RTL4: variants seen among roughly 807,000 people sequenced by gnomAD.
RTL4 encodes retrotransposon Gag-like protein 4.
In RTL4, 4 loss-of-function variants were observed where a neutral mutation model predicts 5.3. The ratio of observed to expected loss-of-function variants is 0.75; its 90% CI spans 0.37 to 1.72. RTL4 has a LOEUF of 1.72. RTL4 is among the 40% of genes most tolerant of loss of function. The pLI, the probability that RTL4 is intolerant of heterozygous loss-of-function variation, is 0.04. For synonymous variants in RTL4, 98 were observed against 87.3 expected (o/e 1.12, Z -0.68); for missense variants, 260 against 227.1 (o/e 1.14, Z -0.93).
chrX:112,193,458 G>C, the RTL4 span, among the ~76,000 whole-genome samples: 1 of 111,058 alleles, frequency 9.0e-6, no homozygotes, highest in Non-Finnish European at 1.9e-5. Flanking sequence ...CTGATGTTTT[G>C]TATGTGATGA....
chrX:112,223,205 T>A, the RTL4 span, among the ~76,000 whole-genome samples: 1 of 110,729 alleles, frequency 9.0e-6, no homozygotes, highest in Non-Finnish European at 1.9e-5. Context: ...ATTATAAATA[T>A]GAAAATTTCA....
chrX:112,332,653 G>A, the RTL4 span, among the ~76,000 whole-genome samples: 13 of 96,728 alleles, frequency 1.3e-4, no homozygotes, highest in African/African-American at 5.0e-4. Flanking sequence ...CACACAGGAA[G>A]GGGGACATCA....
chrX:112,185,376 A>ATATATATATAT, the RTL4 span, among the ~76,000 whole-genome samples: 12 of 85,306 alleles, frequency 1.4e-4, no homozygotes, highest in African/African-American at 3.6e-4. Flanking sequence ...CTATTTTATT[A>ATATATATATAT]ATATATATAT....
chrX:112,143,104 C>T, the RTL4 span, among the ~76,000 whole-genome samples: 2 of 111,522 alleles, frequency 1.8e-5, no homozygotes, highest in African/African-American at 6.5e-5. Context: ...GCTGGGATTA[C>T]AGACGTGAGC....
chrX:112,094,188 G>A, the RTL4 span, among the ~76,000 whole-genome samples: 1 of 111,554 alleles, frequency 9.0e-6, no homozygotes, highest in Non-Finnish European at 1.9e-5. Flanking sequence ...CTGGGATGTA[G>A]AAAAGATGAC....
the RTL4 span, among the ~76,000 whole-genome samples, chrX:112,411,250 G>C: frequency 9.0e-6 from 1 of 111,327 alleles, no homozygotes; most frequent in African/African-American, 3.3e-5. Context: ...GGAACTGATG[G>C]ATTCCCTGCT....
the RTL4 span, among the ~76,000 whole-genome samples, chrX:112,198,968 T>C: frequency 1.8e-5 from 2 of 110,515 alleles, no homozygotes; most frequent in South Asian, 7.7e-4. Flanking sequence ...GGGTAGAACA[T>C]TACAAGCAGA....
the RTL4 span, among the ~76,000 whole-genome samples, chrX:112,349,648 G>T: frequency 1.0e-5 from 1 of 97,181 alleles, no homozygotes; most frequent in Non-Finnish European, 2.1e-5. Flanking sequence ...GTTCACTCAT[G>T]ATTTGGCTCT....
the RTL4 span, among the ~76,000 whole-genome samples, chrX:112,314,102 A>G: frequency 7.1e-5 from 8 of 111,964 alleles, no homozygotes; most frequent in East Asian, 2.2e-3. Context: ...AGATATACAA[A>G]TATCAGTTAA....
At chrX:112,400,159 A>C in the RTL4 span, among the ~76,000 whole-genome samples, 3 of 111,184 alleles carry the variant, frequency 2.7e-5, no homozygotes, top group African/African-American at 9.8e-5. Flanking sequence ...TTATTTCTTC[A>C]AATATATTTT....
At chrX:112,439,287 T>C in the RTL4 span, among the ~76,000 whole-genome samples, 1 of 112,001 alleles carries the variant, frequency 8.9e-6, no homozygotes, top group African/African-American at 3.2e-5. Flanking sequence ...CTCTATCTTC[T>C]GCAGTAATGG....
chrX:112,320,842 C>T, the RTL4 span, among the ~76,000 whole-genome samples: 5 of 111,739 alleles, frequency 4.5e-5, no homozygotes, highest in African/African-American at 1.6e-4. Flanking sequence ...AATTAAATCT[C>T]ACATGTACTG....
At chrX:112,187,420 C>T in the RTL4 span, among the ~76,000 whole-genome samples, 1 of 111,483 alleles carries the variant, frequency 9.0e-6, no homozygotes, top group Non-Finnish European at 1.9e-5. Context: ...GGTTCTCAAT[C>T]ATCAGTCTTT....
the RTL4 span, among the ~76,000 whole-genome samples, chrX:112,130,110 G>A: frequency 1.8e-5 from 2 of 111,245 alleles, no homozygotes; most frequent in Non-Finnish European, 3.8e-5. Flanking sequence ...AAATGCTAGG[G>A]TTTTTTTGAA....
the RTL4 span, among the ~76,000 whole-genome samples, chrX:112,201,275 T>C: frequency 9.0e-6 from 1 of 111,248 alleles, no homozygotes; most frequent in African/African-American, 3.3e-5. Flanking sequence ...CATTGACACA[T>C]GAGGATTATG....
the RTL4 span, among the ~76,000 whole-genome samples, chrX:112,449,398 G>C: frequency 9.0e-6 from 1 of 110,714 alleles, no homozygotes; most frequent in Admixed American, 9.6e-5. Flanking sequence ...CACATATCAT[G>C]CACCTTAGGG....
chrX:112,326,899 G>A, the RTL4 span, among the ~76,000 whole-genome samples: 3 of 111,567 alleles, frequency 2.7e-5, no homozygotes. Flanking sequence ...GGGGCACACT[G>A]ACACCTCACA....
the RTL4 span, among the ~76,000 whole-genome samples, chrX:112,145,323 A>G: frequency 3.6e-5 from 4 of 111,616 alleles, no homozygotes; most frequent in African/African-American, 1.3e-4. Flanking sequence ...TGCTTAATTC[A>G]CCAGAGTGAA....
chrX:112,184,946 C>T, the RTL4 span, among the ~76,000 whole-genome samples: 1 of 111,513 alleles, frequency 9.0e-6, no homozygotes, highest in East Asian at 2.8e-4. Context: ...ATCCAAACTG[C>T]TTTCTTGAAT....
Sources: allele counts gnomAD v4.1 joint callset (sites outside exome capture counted in the v4.1 genomes callset), GRCh38; gene constraint gnomAD v4.1.1; transcripts MANE v1.5; gene names NCBI Gene and HGNC (gene_info 2026-07-23, HGNC 2026-07-21).